Variants in OXNAD1 observed in about 807,000 individuals in gnomAD.
The protein encoded by OXNAD1 is oxidoreductase NAD-binding domain-containing protein 1.
Under a neutral mutation model 32.9 loss-of-function variants are expected in OXNAD1, and 34 were observed. That is an observed-to-expected ratio of 1.03 (90% CI 0.79 to 1.38). OXNAD1 has a LOEUF of 1.38. OXNAD1 is among the 40% of genes most tolerant of loss of function. The probability of loss-of-function intolerance (pLI) is 0.00; values close to 1 mark genes in which losing one functional copy is unlikely to be tolerated. For missense variants in OXNAD1, 407 were observed against 379.4 expected, an observed-to-expected ratio of 1.07 and a Z score of -0.60; for synonymous variants, 134 against 135.2, an observed-to-expected ratio of 0.99 and a Z score of 0.06.
At chr3:16,311,191 ATATATTT>A (rs2067961056) in intron 9 of OXNAD1, among the ~76,000 whole-genome samples, 1 of 59,548 alleles carries the variant, frequency 1.7e-5, no homozygotes, top group Non-Finnish European at 3.0e-5. Context: ...TAAAAATATT[ATATATTT>A]TATATATTTT....
rs921530621 is a variant in OXNAD1, at chr3:16,329,223, G to A, written c.*31-7889G>A. ...GGCCCTCACAAGATGCCAGGCCCTC[G>A]ACCTTGGACTTCCCAGCCTCCAGGA... On this transcript the variant is annotated intron_variant, in intron 9 of 9. Transcript: ENST00000435829. This position sits in a 1 kb window ranked among gnomAD's most constrained non-coding sequence, Gnocchi z 4.5. 6.6e-6 allele frequency among the ~76,000 whole-genome samples: 1 copy of A among 152,180 alleles called. No individual in the cohort carries two copies. Among genetic ancestry groups the A allele is most frequent in the Non-Finnish European group, 1.5e-5 (1 of 68,030 alleles).
At chr3:16,311,600 T>TA (rs1436751356) in intron 9 of OXNAD1, among the ~76,000 whole-genome samples, 2 of 152,204 alleles carry the variant, frequency 1.3e-5, no homozygotes, top group Non-Finnish European at 2.9e-5. Context: ...ACAGGGTTGG[T>TA]AGCTTCAATA....
chr3:16,319,243 C>T (rs2068775130), intron 9 of OXNAD1, among the ~76,000 whole-genome samples: 2 of 152,058 alleles, frequency 1.3e-5, no homozygotes, highest in Non-Finnish European at 1.5e-5. Context: ...TATAGTACTC[C>T]GAGAGGCAGT....
chr3:16,320,488 C>T lies in OXNAD1; in HGVS notation c.*31-16624C>T, dbSNP rs903038065. 2.6e-5 allele frequency among the ~76,000 whole-genome samples: 4 copies of T among 152,156 alleles called. No individual in the cohort carries two copies. Among genetic ancestry groups the T allele is most frequent in the African/African-American group, 9.7e-5 (4 of 41,406 alleles). On this transcript the variant is annotated intron_variant, in intron 9 of 9. Coordinates refer to the OXNAD1 transcript ENST00000435829. The surrounding 1 kb of genome is among the most constrained non-coding windows in gnomAD (Gnocchi z 4.5). ...TTGAGCACCAACTAAAATCTGGGTACACAACACAGGAAAAAGGTCTTTGCT... is the reference window on the plus strand; with the variant it reads ...TTGAGCACCAACTAAAATCTGGGTATACAACACAGGAAAAAGGTCTTTGCT...
In OXNAD1 at chr3:16,345,821, C is replaced by T. The variant is rs796599277; in HGVS notation, c.*31-3355C>T. Among the ~76,000 whole-genome samples the T allele has an allele frequency of 0.37, 31,427 of 84,492 alleles. 3,610 individuals are homozygous for T. Among genetic ancestry groups the T allele is most frequent in the Middle Eastern group, 0.51 (80 of 156 alleles). 55.4% of individuals were successfully genotyped at this position (84,492 alleles called of 152,430 possible). Reference sequence around the variant, plus strand: ...GTGTGTGTGTGTGTGTGTGTGTGCGCGCGCGCGTGCGCGCACGCGCACATG... The same window carrying T: ...GTGTGTGTGTGTGTGTGTGTGTGCGTGCGCGCGTGCGCGCACGCGCACATG... On this transcript the variant is annotated intron_variant, in intron 9 of 9. Coordinates refer to the OXNAD1 transcript ENST00000606098. This position sits in a 1 kb window ranked among gnomAD's most constrained non-coding sequence, Gnocchi z 5.2.
chr3:16,267,660 C>A (rs558299863), intron 1 of OXNAD1, among the ~76,000 whole-genome samples: 1 of 152,170 alleles, frequency 6.6e-6, no homozygotes, highest in East Asian at 1.9e-4. Flanking sequence ...CCCCACCTAC[C>A]CCATCACTCT....
At position 16,334,542 on chromosome 3, in the gene OXNAD1, C is replaced by T. The variant is rs2070665420; in HGVS notation, c.*31-2570C>T. On this transcript the variant is annotated intron_variant, in intron 9 of 9. Coordinates refer to the OXNAD1 transcript ENST00000435829. This position sits in a 1 kb window ranked among gnomAD's most constrained non-coding sequence, Gnocchi z 4.3. ...GATTTGTATTTAACATTATGTTTCA[C>T]CCAGACAACAGCTCAGAGAACTGGG... Among the ~76,000 whole-genome samples, 1 of 152,164 alleles carries T rather than the reference C, an allele frequency of 6.6e-6. No homozygotes were observed. Among genetic ancestry groups the T allele is most frequent in the Admixed American group, 6.5e-5 (1 of 15,278 alleles).
At position 16,271,178 on chromosome 3, in the gene OXNAD1, C is replaced by T. The variant is rs1450655871; in HGVS notation, c.119+107C>T. 3.1e-6 allele frequency: 4 copies of T among 1,298,946 alleles called. No individual in the cohort carries two copies. The African/African-American group carries it at 6.0e-5, about 20-fold the overall frequency. 80.5% of individuals were successfully genotyped at this position (1,298,946 alleles called of 1,614,324 possible). ...AACTCCCGGAAAGGTAACACCTTAG[C>T]TTCAATGTGCATGCTGTCAGGTTGT... On this transcript the variant is annotated intron_variant, in intron 3 of 8. Transcript: ENST00000285083. The surrounding 1 kb of genome is among the most constrained non-coding windows in gnomAD (Gnocchi z 4.6).
chr3:16,268,416 G>A (rs1180661098), intron 1 of OXNAD1, among the ~76,000 whole-genome samples: 9 of 124,860 alleles, frequency 7.2e-5, no homozygotes, highest in Admixed American at 3.2e-4. Flanking sequence ...TGCAACCTCC[G>A]CCTCCCAGGT....
chr3:16,351,737 A>T (rs2072117183), downstream of OXNAD1, among the ~76,000 whole-genome samples: 1 of 152,236 alleles, frequency 6.6e-6, no homozygotes, highest in African/African-American at 2.4e-5. The surrounding 1 kb of genome is among the most constrained non-coding windows in gnomAD (Gnocchi z 5.4). Context: ...ATGATTTAAA[A>T]GCATATAAAC....
downstream of OXNAD1, among the ~76,000 whole-genome samples, chr3:16,350,697 G>A (rs537518109): frequency 6.6e-6 from 1 of 152,318 alleles, no homozygotes; most frequent in South Asian, 2.1e-4. Context: ...GGATGGAGAT[G>A]CAGCCTGGGA....
At chr3:16,326,677 G>T in intron 9 of OXNAD1, 1 of 913,208 alleles carries the variant, frequency 1.1e-6, no homozygotes, top group Non-Finnish European at 1.7e-6. Flanking sequence ...TCTTGCACAG[G>T]ATTAAATAAT....
rs1352326042 is a variant in OXNAD1, at chr3:16,290,684, C to G, written c.291-4172C>G. Among the ~76,000 whole-genome samples the G allele has an allele frequency of 6.6e-6, 1 of 152,074 alleles. No homozygotes were observed. The highest frequency in any genetic ancestry group is 1.9e-4 in the East Asian group (1 of 5,194). On this transcript the variant is annotated intron_variant, in intron 5 of 8. Coordinates refer to ENST00000285083, the MANE Select transcript of OXNAD1 (RefSeq NM_138381.5). This position sits in a 1 kb window ranked among gnomAD's most constrained non-coding sequence, Gnocchi z 4.2. ...CAGAAATGAAAAGAAAGTTAAAGTA[C>G]TCATGGAAAAGAGTCAAGTGAAAAT...
At position 16,334,906 on chromosome 3, in the gene OXNAD1, G is replaced by A. The variant is rs932876989; in HGVS notation, c.*31-2206G>A. On this transcript the variant is annotated intron_variant, in intron 9 of 9. Transcript: ENST00000435829. This position sits in a 1 kb window ranked among gnomAD's most constrained non-coding sequence, Gnocchi z 4.3. ...GACAGGCAGGAAGGCCAGAGTCAGAGGAAGAGATGTGATGGCAGCAGCAGA... is the reference window on the plus strand; with the variant it reads ...GACAGGCAGGAAGGCCAGAGTCAGAAGAAGAGATGTGATGGCAGCAGCAGA... Among the ~76,000 whole-genome samples, 2 of 152,232 alleles carry A rather than the reference G, an allele frequency of 1.3e-5. No homozygotes were observed. The highest frequency in any genetic ancestry group is 2.9e-5 in the Non-Finnish European group (2 of 68,046).
chr3:16,340,533 A>T (rs1049696711), downstream of OXNAD1, among the ~76,000 whole-genome samples: 1 of 152,248 alleles, frequency 6.6e-6, no homozygotes, highest in South Asian at 2.1e-4. Flanking sequence ...GAGCTAATAC[A>T]TGGTTATTTG....
At chr3:16,267,158 C>T (rs149587301) in intron 1 of OXNAD1, among the ~76,000 whole-genome samples, 205 of 152,270 alleles carry the variant, frequency 1.3e-3, no homozygotes, top group African/African-American at 4.8e-3. Context: ...AATGTATCAG[C>T]AAGTTTTGGG....
downstream of OXNAD1, among the ~76,000 whole-genome samples, chr3:16,309,176 A>G (rs1312447050): frequency 3.3e-5 from 5 of 152,194 alleles, no homozygotes; most frequent in Admixed American, 2.6e-4. Flanking sequence ...GCTATATACC[A>G]TAATATACTT....
At chr3:16,307,250 A>ATTT (rs2067623777), downstream of OXNAD1, among the ~76,000 whole-genome samples, 1 of 152,214 alleles carries the variant, frequency 6.6e-6, no homozygotes, top group African/African-American at 2.4e-5. Context: ...ATTACAGTCA[A>ATTT]TTTTTTGATG....
chr3:16,323,606 C>T (rs1320072159), intron 9 of OXNAD1: 1 of 570,888 alleles, frequency 1.8e-6, no homozygotes, highest in Non-Finnish European at 3.1e-6. Flanking sequence ...CTCTTCCGCT[C>T]CCAGGCCATC....
Sources: allele counts gnomAD v4.1 joint callset (sites outside exome capture counted in the v4.1 genomes callset), GRCh38; gene constraint gnomAD v4.1.1; non-coding constraint Gnocchi (gnomAD v3.1); transcripts MANE v1.5; gene names NCBI Gene and HGNC (gene_info 2026-07-23, HGNC 2026-07-21).